Variants in FBXL17 observed in about 807,000 individuals in gnomAD.
The protein encoded by FBXL17 is F-box/LRR-repeat protein 17.
A neutral mutation model predicts 66.2 loss-of-function variants in FBXL17; 22 were observed. That is an observed-to-expected ratio of 0.33 (90% CI 0.24 to 0.47). The LOEUF is 0.47. Among genes scored for constraint, FBXL17 ranks in the 20% least tolerant of loss-of-function variants. The pLI, the probability that FBXL17 is intolerant of heterozygous loss-of-function variation, is 1.00. For synonymous variants in FBXL17, 474 were observed against 400.5 expected (o/e 1.18, Z -2.19); for missense variants, 878 against 948.2 (o/e 0.93, Z 0.97).
At chr5:107,958,899 T>C (rs1273996081) in intron 7 of FBXL17, among the ~76,000 whole-genome samples, 3 of 152,218 alleles carry the variant, frequency 2.0e-5, no homozygotes, top group Non-Finnish European at 4.4e-5. Flanking sequence ...CTAAATTGTA[T>C]ATAGATCACT....
Position 108,224,175 on chromosome 5 carries a change from A to G in FBXL17, c.1560T>C (p.Tyr520=). The G allele has an allele frequency of 6.2e-7, 1 of 1,612,040 alleles. No individual in the cohort carries two copies. Among genetic ancestry groups the G allele is most frequent in the Non-Finnish European group, 8.5e-7 (1 of 1,178,812 alleles). Residue 520 remains tyrosine, a synonymous_variant, in exon 5 of 9, where the codon TAT becomes TAC. Coordinates refer to ENST00000542267, the MANE Select transcript of FBXL17 (RefSeq NM_001163315.3). ...AFAEHCPELQ[Y]VGFMGCSVTS... is the part of the protein sequence containing the mutation. ...TGACTGAACAACCCATGAAGCCTAC[A>G]TATTGAAGCTCAGGACAGTGTTCAG...
intron 4 of FBXL17, among the ~76,000 whole-genome samples, chr5:108,311,082 G>A (rs921691127): frequency 4.6e-5 from 7 of 152,168 alleles, no homozygotes; most frequent in African/African-American, 1.4e-4. Flanking sequence ...AAAAGTAAGT[G>A]TCACTGAAAT....
At chr5:108,185,521 T>C (rs1753192000) in intron 6 of FBXL17, among the ~76,000 whole-genome samples, 1 of 152,160 alleles carries the variant, frequency 6.6e-6, no homozygotes, top group Non-Finnish European at 1.5e-5. Context: ...AAACCTCTTG[T>C]CTTTATAAAT....
chr5:108,009,230 T>C (rs1228394761), intron 7 of FBXL17, among the ~76,000 whole-genome samples: 8 of 19,610 alleles, frequency 4.1e-4, no homozygotes, highest in South Asian at 1.6e-3. Context: ...TATATATATA[T>C]ATACAGCTTG....
rs1759798824 is a variant in FBXL17, at chr5:108,325,302, A to G, written c.1506+23097T>C. Among the ~76,000 whole-genome samples the G allele has an allele frequency of 2.0e-5, 3 of 152,152 alleles. No individual in the cohort carries two copies. In the South Asian group the frequency reaches 6.2e-4, roughly 31 times the overall value. ...AATTCAGTCAAGGAAGAAAAGAGTG[A>G]TCAACCAAGAAGTATTATCTTTGTA... On this transcript the variant is annotated intron_variant, in intron 4 of 8. Transcript: ENST00000542267.
chr5:108,011,435 C>G (rs890578382), intron 7 of FBXL17, among the ~76,000 whole-genome samples: 1 of 152,122 alleles, frequency 6.6e-6, no homozygotes, highest in Non-Finnish European at 1.5e-5. Context: ...GTAGGTAGAA[C>G]ACAAAGCCAC....
chr5:107,928,975 G>A (rs1469999098), intron 7 of FBXL17, among the ~76,000 whole-genome samples: 1 of 152,084 alleles, frequency 6.6e-6, no homozygotes, highest in African/African-American at 2.4e-5. Flanking sequence ...TTCTTGTGCA[G>A]GAGTGAATAG....
intron 6 of FBXL17, among the ~76,000 whole-genome samples, chr5:108,107,818 AAAAAAG>A (rs893112317): frequency 4.6e-5 from 7 of 151,152 alleles, no homozygotes; most frequent in African/African-American, 7.3e-5. Context: ...TCTCAAAAAA[AAAAAAG>A]AAAAGAAAAA....
chr5:107,876,189 G>C (rs1457475751), intron 8 of FBXL17, among the ~76,000 whole-genome samples: 1 of 152,190 alleles, frequency 6.6e-6, no homozygotes, highest in Non-Finnish European at 1.5e-5. Flanking sequence ...GGTAAACCGA[G>C]GCACACTTTC....
chr5:108,290,661 G>C (rs1758073127), intron 4 of FBXL17, among the ~76,000 whole-genome samples: 1 of 152,090 alleles, frequency 6.6e-6, no homozygotes, highest in African/African-American at 2.4e-5. Context: ...AGAAATTCCT[G>C]TTTTCCCATC....
At chr5:108,335,806 G>A (rs919627236) in intron 4 of FBXL17, among the ~76,000 whole-genome samples, 1 of 151,852 alleles carries the variant, frequency 6.6e-6, no homozygotes. Flanking sequence ...AAATGTGATT[G>A]TTTTAAATAT....
At chr5:108,189,669 T>C (rs1445881110) in intron 5 of FBXL17, among the ~76,000 whole-genome samples, 1 of 152,192 alleles carries the variant, frequency 6.6e-6, no homozygotes, top group Non-Finnish European at 1.5e-5. Flanking sequence ...TAATTATGGT[T>C]CCTGATTAGT....
intron 3 of FBXL17, among the ~76,000 whole-genome samples, chr5:108,361,990 C>A (rs1455540001): frequency 1.3e-5 from 2 of 152,138 alleles, no homozygotes; most frequent in East Asian, 3.8e-4. Context: ...TTCTTTCCAC[C>A]TTTCAGTTGC....
intron 2 of FBXL17, among the ~76,000 whole-genome samples, chr5:108,365,640 G>A (rs139528628): frequency 1.3e-4 from 20 of 152,124 alleles, no homozygotes; most frequent in African/African-American, 4.6e-4. Context: ...GAAATTAAGG[G>A]AACTCACAAG....
At chr5:108,353,091 T>C (rs1466022983) in intron 3 of FBXL17, among the ~76,000 whole-genome samples, 4 of 152,218 alleles carry the variant, frequency 2.6e-5, no homozygotes, top group African/African-American at 9.6e-5. Flanking sequence ...ACTGTAATGC[T>C]TGCTTTAAAA....
intron 7 of FBXL17, among the ~76,000 whole-genome samples, chr5:107,989,742 T>C (rs1245623596): frequency 6.6e-6 from 1 of 152,162 alleles, no homozygotes; most frequent in Non-Finnish European, 1.5e-5. Flanking sequence ...GCTGTGCTAA[T>C]TTACATTCCC....
chr5:107,924,118 G>A (rs775316540), intron 7 of FBXL17, among the ~76,000 whole-genome samples: 15 of 140,244 alleles, frequency 1.1e-4, no homozygotes, highest in Non-Finnish European at 1.7e-4. Flanking sequence ...GCCCAGGCTA[G>A]ACTTGAACTC....
At chr5:108,310,627 T>C (rs2150197304) in intron 4 of FBXL17, among the ~76,000 whole-genome samples, 1 of 152,340 alleles carries the variant, frequency 6.6e-6, no homozygotes, top group South Asian at 2.1e-4. Context: ...AGATATTTTT[T>C]AAACTGTTTC....
At chr5:108,194,647 A>G (rs1269155806) in intron 5 of FBXL17, among the ~76,000 whole-genome samples, 1 of 152,098 alleles carries the variant, frequency 6.6e-6, no homozygotes, top group Non-Finnish European at 1.5e-5. Context: ...CAAACATCTG[A>G]AATCTAATCT....
Sources: gnomAD v4.1 joint callset for allele counts (sites outside exome capture counted in the v4.1 genomes callset) on GRCh38, gnomAD v4.1.1 for gene constraint, MANE v1.5 for transcripts, NCBI Gene and HGNC (gene_info 2026-07-23, HGNC 2026-07-21) for gene names.